The following ADRA1A variants were observed in gnomAD, a reference collection of about 807,000 sequenced individuals.
ADRA1A encodes the protein alpha-1A adrenergic receptor.
In ADRA1A, 31 loss-of-function variants were observed where a neutral mutation model predicts 29.6. That is an observed-to-expected ratio of 1.05 (90% CI 0.79 to 1.41). The LOEUF is 1.41. Among genes scored for constraint, ADRA1A ranks in the 40% most tolerant of loss-of-function variants. ADRA1A has a pLI of 0.00. For synonymous variants in ADRA1A, 311 were observed against 254.3 expected (o/e 1.22, Z -2.12); for missense variants, 619 against 601.1 (o/e 1.03, Z -0.31).
chr8:26,857,552 T>C (rs1813140561), intron 2 of ADRA1A, among the ~76,000 whole-genome samples: 1 of 152,116 alleles, frequency 6.6e-6, no homozygotes, highest in African/African-American at 2.4e-5. Flanking sequence ...ATGCCTGTAG[T>C]CCCAGCTACT....
intron 2 of ADRA1A, among the ~76,000 whole-genome samples, chr8:26,780,633 A>T (rs1806903902): frequency 6.6e-6 from 1 of 151,820 alleles, no homozygotes; most frequent in African/African-American, 2.4e-5. Context: ...TAGCAGGGAA[A>T]CCCCTGGGCC....
downstream of ADRA1A, among the ~76,000 whole-genome samples, chr8:26,762,014 T>G (rs118039470): frequency 5.3e-5 from 8 of 152,230 alleles, no homozygotes; most frequent in Non-Finnish European, 8.8e-5. The surrounding 1 kb of genome is among the most constrained non-coding windows in gnomAD (Gnocchi z 4.0). Flanking sequence ...AGGTTTACTT[T>G]ATGGGATTAA....
chr8:26,863,511 T>C (rs998639567), intron 2 of ADRA1A, among the ~76,000 whole-genome samples: 1 of 150,752 alleles, frequency 6.6e-6, no homozygotes, highest in African/African-American at 2.4e-5. Flanking sequence ...CATAAAATCA[T>C]TTTTTTTTCT....
chr8:26,861,947 A>G (rs1352618384), intron 2 of ADRA1A, among the ~76,000 whole-genome samples: 1 of 151,716 alleles, frequency 6.6e-6, no homozygotes, highest in Non-Finnish European at 1.5e-5. Flanking sequence ...CTTGCCCCCA[A>G]ACAGCCAATT....
intron 2 of ADRA1A, among the ~76,000 whole-genome samples, chr8:26,830,896 G>A (rs371018836): frequency 2.0e-5 from 3 of 152,158 alleles, no homozygotes; most frequent in South Asian, 2.1e-4. Flanking sequence ...CATTGCGGGC[G>A]GGAGGGAGTC....
rs1361675852 is a variant in ADRA1A, at chr8:26,806,472, G to C, written c.884-35806C>G. ...CTGGCTCAGTTGAAATGGAATGTAA[G>C]TGCAATGCCAGAGCCTGGTAAAAAT... On this transcript the variant is annotated intron_variant, in intron 2 of 2. Transcript: ENST00000380573. The surrounding 1 kb of genome is among the most constrained non-coding windows in gnomAD (Gnocchi z 4.6). Among the ~76,000 whole-genome samples the C allele has an allele frequency of 1.3e-5, 2 of 152,158 alleles. No homozygotes were observed. Among genetic ancestry groups the C allele is most frequent in the Non-Finnish European group, 2.9e-5 (2 of 68,034 alleles).
chr8:26,864,135 C>A lies in ADRA1A; in HGVS notation c.835G>T (p.Gly279Cys). The A allele has an allele frequency of 6.2e-7, 1 of 1,614,110 alleles. No individual in the cohort carries two copies. The highest frequency in any genetic ancestry group is 2.2e-5 in the East Asian group (1 of 44,866). The change falls in exon 2 of 3, where the codon GGC (glycine) becomes TGC (cysteine). Residue 279 changes from glycine (G) to cysteine (C), a missense_variant. Physicochemically the swap from Gly to Cys is radical, Grantham distance 159. Transcript: ENST00000380573. This position sits in a 1 kb window ranked among gnomAD's most constrained non-coding sequence, Gnocchi z 8.1. Reference sequence around the variant, plus strand: ...GGCAGCCAGCAGAGGACGAAGCAGCCGACCACGATGCCCAGCGTTTTGGCC... The same window carrying A: ...GGCAGCCAGCAGAGGACGAAGCAGCAGACCACGATGCCCAGCGTTTTGGCC... ...KAAKTLGIVV[G>C]CFVLCWLPFF...
chr8:26,862,525 A>G (rs1327508028), intron 2 of ADRA1A, among the ~76,000 whole-genome samples: 3 of 152,236 alleles, frequency 2.0e-5, no homozygotes, highest in Non-Finnish European at 4.4e-5. Context: ...CAGATGGTCC[A>G]TAAATACTTG....
At chr8:26,771,699 C>T (rs1327177022) in intron 2 of ADRA1A, 1 of 152,484 alleles carries the variant, frequency 6.6e-6, no homozygotes, top group Non-Finnish European at 1.5e-5. Context: ...ATGCTCTGCC[C>T]TTCTGAGCTG....
downstream of ADRA1A, among the ~76,000 whole-genome samples, chr8:26,756,014 C>T (rs560459787): frequency 2.0e-5 from 3 of 152,250 alleles, no homozygotes; most frequent in Admixed American, 6.5e-5. Context: ...CATGCACAAA[C>T]ATGGAAGAAC....
rs1026426085 is a variant in ADRA1A, at chr8:26,779,162, G to A, written c.884-8496C>T. The A allele has an allele frequency of 1.8e-5, 11 of 598,880 alleles. No individual in the cohort carries two copies. The African/African-American group carries it at 2.0e-4, about 11-fold the overall frequency. The allele number at this position is 598,880 out of a possible 1,614,324, so 37.1% of individuals were successfully genotyped here. ...CAGATGATATGCTTTCCAATGGTAG[G>A]AGACCAGGTTATCTCTCTCACTGTA... On this transcript the variant is annotated intron_variant, in intron 2 of 2. Coordinates refer to ENST00000380573, the MANE Select transcript of ADRA1A (RefSeq NM_000680.4).
chr8:26,803,919 C>CTTTTTTTT (rs34314160), intron 2 of ADRA1A, among the ~76,000 whole-genome samples: 13 of 95,222 alleles, frequency 1.4e-4, no homozygotes, highest in East Asian at 4.0e-4. Flanking sequence ...TGGAAGTTTC[C>CTTTTTTTT]TTTTTTTTTT....
chr8:26,807,385 T>C (rs2130518053), intron 2 of ADRA1A, among the ~76,000 whole-genome samples: 1 of 152,294 alleles, frequency 6.6e-6, no homozygotes, highest in Middle Eastern at 3.4e-3. Context: ...ATCAAAGCAA[T>C]ACAAATGTTT....
At chr8:26,763,864 G>T (rs754904773), downstream of ADRA1A, among the ~76,000 whole-genome samples, 3 of 152,136 alleles carry the variant, frequency 2.0e-5, no homozygotes, top group Non-Finnish European at 4.4e-5. This position sits in a 1 kb window ranked among gnomAD's most constrained non-coding sequence, Gnocchi z 4.5. Context: ...ATGTGTGATA[G>T]AGACTGTATG....
Position 26,796,545 on chromosome 8 carries a change from A to G in ADRA1A, c.884-25879T>C, listed in dbSNP as rs1032252364. ...ACTGGTAGAAATCCTATGGTAATTC[A>G]CAGCCTACAGTACCGTGAAGACAAG... On this transcript the variant is annotated intron_variant, in intron 2 of 2. Transcript: ENST00000380573. The surrounding 1 kb of genome is among the most constrained non-coding windows in gnomAD (Gnocchi z 5.0). 1.3e-5 allele frequency among the ~76,000 whole-genome samples: 2 copies of G among 152,146 alleles called. No homozygotes were observed. The highest frequency in any genetic ancestry group is 4.8e-5 in the African/African-American group (2 of 41,436).
chr8:26,814,440 T>A (rs1178461424), intron 2 of ADRA1A, among the ~76,000 whole-genome samples: 1 of 152,176 alleles, frequency 6.6e-6, no homozygotes, highest in Non-Finnish European at 1.5e-5. Context: ...TTAAAAAGTA[T>A]TTGTAGAGAT....
At chr8:26,809,441 C>T (rs1809232287) in intron 2 of ADRA1A, among the ~76,000 whole-genome samples, 2 of 152,130 alleles carry the variant, frequency 1.3e-5, no homozygotes, top group South Asian at 4.1e-4. Context: ...TTTCTCAGCT[C>T]TCATGAGCCT....
intron 2 of ADRA1A, among the ~76,000 whole-genome samples, chr8:26,758,988 T>C (rs1414414499): frequency 6.6e-6 from 1 of 152,306 alleles, no homozygotes; most frequent in African/African-American, 2.4e-5. Flanking sequence ...GAAAATACAA[T>C]TTTTACTATT....
chr8:26,852,546 A>G (rs1279646368), intron 2 of ADRA1A, among the ~76,000 whole-genome samples: 5 of 152,116 alleles, frequency 3.3e-5, no homozygotes, highest in Admixed American at 2.6e-4. Context: ...ACAGAATTTC[A>G]TGTAGAAGTC....
Sources: allele counts gnomAD v4.1 joint callset (sites outside exome capture counted in the v4.1 genomes callset), GRCh38; gene constraint gnomAD v4.1.1; non-coding constraint Gnocchi (gnomAD v3.1); transcripts MANE v1.5; gene names NCBI Gene and HGNC (gene_info 2026-07-23, HGNC 2026-07-21).